DTNA: variants seen among roughly 807,000 people sequenced by gnomAD.
The protein encoded by DTNA is dystrobrevin alpha.
A neutral mutation model predicts 100.7 loss-of-function variants in DTNA; 43 were observed. The observed-to-expected ratio is 0.43, with a 90% CI of 0.33 to 0.55. The LOEUF (loss-of-function observed/expected upper bound fraction) is 0.55, where lower values mean the gene tolerates loss of function less well. DTNA is among the 20% of genes least tolerant of loss of function. The pLI is 0.04. For missense variants in DTNA, 798 were observed against 953.9 expected (o/e 0.84, Z 2.15); for synonymous variants, 349 against 347.9 (o/e 1.00, Z -0.04).
At chr18:34,772,501 G>A (rs1389551753) in intron 3 of DTNA, among the ~76,000 whole-genome samples, 2 of 152,082 alleles carry the variant, frequency 1.3e-5, no homozygotes, top group African/African-American at 4.8e-5. Context: ...ATGAATGAAC[G>A]AATATGCTCC....
At chr18:34,560,619 T>C (rs1473690140) in intron 1 of DTNA, among the ~76,000 whole-genome samples, 1 of 152,114 alleles carries the variant, frequency 6.6e-6, no homozygotes, top group African/African-American at 2.4e-5. Flanking sequence ...AAAATTTGAA[T>C]AAGAGGTTGG....
intron 1 of DTNA, among the ~76,000 whole-genome samples, chr18:34,672,989 C>T (rs1046147349): frequency 6.6e-6 from 1 of 152,136 alleles, no homozygotes; most frequent in Admixed American, 6.5e-5. Context: ...CACATACCCG[C>T]AGTTTAAAAA....
rs1049092121 is a variant in DTNA at position 34,659,748 on chromosome 18, A to T, written c.-1-96228A>T. Among the ~76,000 whole-genome samples, 4 of 152,144 alleles carry T rather than the reference A, an allele frequency of 2.6e-5. No individual in the cohort carries two copies. The East Asian group carries it at 7.7e-4, about 29-fold the overall frequency. On this transcript the variant is annotated intron_variant, in intron 1 of 19. Transcript: ENST00000283365. ...TACTTCCTCTCACCAGCCCTTTCTG[A>T]AGGAGCATGTGAGCCTGTTATCTTG...
intron 1 of DTNA, among the ~76,000 whole-genome samples, chr18:34,663,676 A>G (rs534063687): frequency 6.6e-6 from 1 of 152,246 alleles, no homozygotes; most frequent in Non-Finnish European, 1.5e-5. Context: ...TTTGAAATTG[A>G]ATGAAATAAG....
intron 1 of DTNA, among the ~76,000 whole-genome samples, chr18:34,691,898 G>A (rs1455142653): frequency 2.0e-5 from 3 of 152,176 alleles, no homozygotes; most frequent in Admixed American, 2.0e-4. Flanking sequence ...AGTCACTGAT[G>A]AACTTCTCAT....
At chr18:34,534,186 A>T (rs1464680825) in intron 1 of DTNA, among the ~76,000 whole-genome samples, 8 of 151,856 alleles carry the variant, frequency 5.3e-5, no homozygotes, top group Non-Finnish European at 7.4e-5. Context: ...TCTCTAATTT[A>T]AAAAATACAA....
intron 19 of DTNA, among the ~76,000 whole-genome samples, chr18:34,878,361 C>T (rs908562028): frequency 2.6e-5 from 4 of 152,078 alleles, no homozygotes; most frequent in South Asian, 2.1e-4. Context: ...AGAAGAACAA[C>T]GAAAAATATT....
intron 1 of DTNA, among the ~76,000 whole-genome samples, chr18:34,635,597 G>A (rs909890529): frequency 7.2e-5 from 11 of 151,970 alleles, no homozygotes; most frequent in Non-Finnish European, 2.9e-5. Flanking sequence ...CTTAACTTAG[G>A]TATGATTTTA....
Position 34,606,255 on chromosome 18 carries a change from A to G in DTNA, c.-2+112741A>G, listed in dbSNP as rs1598958928. Among the ~76,000 whole-genome samples the G allele has an allele frequency of 2.0e-5, 3 of 152,322 alleles. No homozygotes were observed. The South Asian group carries it at 6.2e-4, about 32-fold the overall frequency. ...CTTGATATAGCTGCAACTTCAGTAT[A>G]GCAAATTTATATCTTGCCATTATAA... On this transcript the variant is annotated intron_variant, in intron 1 of 19. Transcript: ENST00000283365.
chr18:34,821,549 T>C (rs752611898), intron 9 of DTNA: 10 of 456,120 alleles, frequency 2.2e-5, no homozygotes, highest in Non-Finnish European at 4.4e-5. Flanking sequence ...TCCCAGAAGT[T>C]TCATGCCTTT....
chr18:34,620,684 A>G (rs1036412387), intron 1 of DTNA, among the ~76,000 whole-genome samples: 1 of 152,156 alleles, frequency 6.6e-6, no homozygotes, highest in African/African-American at 2.4e-5. Flanking sequence ...GGAAGAAGAG[A>G]GAGAGCAGGG....
At chr18:34,695,874 AT>A (rs1276298315) in intron 1 of DTNA, among the ~76,000 whole-genome samples, 6 of 151,388 alleles carry the variant, frequency 4.0e-5, no homozygotes, top group African/African-American at 1.5e-4. Flanking sequence ...CATTAGGAAA[AT>A]TTTTTTTTAG....
chr18:34,743,613 T>C (rs1357202729), intron 1 of DTNA, among the ~76,000 whole-genome samples: 4 of 152,192 alleles, frequency 2.6e-5, no homozygotes, highest in African/African-American at 9.7e-5. Flanking sequence ...TATGTTCTCA[T>C]TGTAAATGCA....
chr18:34,728,100 A>G (rs986413637), intron 1 of DTNA, among the ~76,000 whole-genome samples: 7 of 152,222 alleles, frequency 4.6e-5, no homozygotes, highest in Admixed American at 4.6e-4. Context: ...ATGTTGTGAT[A>G]TTAAGTTAAA....
chr18:34,780,214 T>C (rs1293239777), intron 3 of DTNA, among the ~76,000 whole-genome samples: 2 of 152,216 alleles, frequency 1.3e-5, no homozygotes, highest in Non-Finnish European at 2.9e-5. Context: ...AATTATAAAG[T>C]TCTATTTGTT....
At chr18:34,520,426 T>C (rs1191061842) in intron 1 of DTNA, among the ~76,000 whole-genome samples, 1 of 152,000 alleles carries the variant, frequency 6.6e-6, no homozygotes, top group Non-Finnish European at 1.5e-5. Context: ...CCGAGGTGGG[T>C]GGATCACCTG....
At chr18:34,882,543 A>G (rs570078979) in intron 21 of DTNA, among the ~76,000 whole-genome samples, 16 of 151,690 alleles carry the variant, frequency 1.1e-4, no homozygotes, top group African/African-American at 2.4e-4. Flanking sequence ...TAATTTTTGT[A>G]TTTTTTAGTA....
chr18:34,700,687 G>A (rs909307842), intron 1 of DTNA, among the ~76,000 whole-genome samples: 4 of 152,138 alleles, frequency 2.6e-5, no homozygotes, highest in African/African-American at 9.7e-5. Flanking sequence ...CTCATAATAA[G>A]CACTTCAGGT....
chr18:34,589,548 G>A (rs1342671486), intron 1 of DTNA, among the ~76,000 whole-genome samples: 2 of 152,118 alleles, frequency 1.3e-5, no homozygotes, highest in East Asian at 1.9e-4. Context: ...GGCAGAGCTT[G>A]CAGTGAGCCG....
Sources: gnomAD v4.1 joint callset for allele counts (sites outside exome capture counted in the v4.1 genomes callset) on GRCh38, gnomAD v4.1.1 for gene constraint, MANE v1.5 for transcripts, NCBI Gene and HGNC (gene_info 2026-07-23, HGNC 2026-07-21) for gene names.